POLK: variants seen among roughly 807,000 people sequenced by gnomAD.
The protein encoded by POLK is polymerase (DNA directed) kappa.
POLK carries 76 observed loss-of-function variants against 94.0 expected under a neutral mutation model. That is an observed-to-expected ratio of 0.81 (90% CI 0.67 to 0.98). POLK has a LOEUF of 0.98. POLK is among the 50% of genes least tolerant of loss of function. The probability of loss-of-function intolerance (pLI) is 0.00; values close to 1 mark genes in which losing one functional copy is unlikely to be tolerated. For synonymous variants in POLK, 349 were observed against 325.4 expected (o/e 1.07, Z -0.78); for missense variants, 954 against 1,010.1 (o/e 0.94, Z 0.75).
chr5:75,532,057 G>A (rs1769208255), intron 1 of POLK, among the ~76,000 whole-genome samples: 1 of 152,148 alleles, frequency 6.6e-6, no homozygotes, highest in Non-Finnish European at 1.5e-5. Flanking sequence ...TAAGATGGAA[G>A]TCCCATTCCA....
intron 1 of POLK, among the ~76,000 whole-genome samples, chr5:75,520,438 A>T (rs1446961451): frequency 1.3e-5 from 2 of 152,102 alleles, no homozygotes; most frequent in African/African-American, 4.8e-5. Flanking sequence ...CTTGTCACCG[A>T]GGTTGGAGTG....
At chr5:75,516,855 T>C (rs1394813496) in intron 1 of POLK, among the ~76,000 whole-genome samples, 1 of 152,254 alleles carries the variant, frequency 6.6e-6, no homozygotes, top group Non-Finnish European at 1.5e-5. Context: ...CTTATTCTTC[T>C]GCATGTGGTT....
intron 1 of POLK, among the ~76,000 whole-genome samples, chr5:75,544,237 G>A (rs944436151): frequency 6.6e-6 from 1 of 152,170 alleles, no homozygotes; most frequent in African/African-American, 2.4e-5. Flanking sequence ...TAAAGGGCAA[G>A]GCAGCCAGGA....
chr5:75,577,826 T>C (rs1771977205), intron 6 of POLK, among the ~76,000 whole-genome samples: 1 of 152,226 alleles, frequency 6.6e-6, no homozygotes, highest in Non-Finnish European at 1.5e-5. Context: ...AAATACAACT[T>C]CATTACCTTA....
At chr5:75,594,826 G>A (rs981840134) in intron 12 of POLK, among the ~76,000 whole-genome samples, 2 of 152,330 alleles carry the variant, frequency 1.3e-5, no homozygotes, top group East Asian at 1.9e-4. Flanking sequence ...TTTCCAAAGT[G>A]TACTGGTTGA....
rs145568411 is a variant in POLK at position 75,560,273 on chromosome 5, C to T, written c.255+7682C>T. ...TTAGCATATTATATGACACATATAC[C>T]CAATAAATGTAACTTCTACTTTATA... On this transcript the variant is annotated intron_variant, in intron 3 of 14. Coordinates refer to ENST00000241436, the Ensembl canonical transcript of POLK. Among the ~76,000 whole-genome samples the T allele has an allele frequency of 2.1e-3, 315 of 152,124 alleles. 1 individual carries two copies. The East Asian group carries it at 0.027, about 13-fold the overall frequency.
chr5:75,550,661 C>T (rs570767732), intron 2 of POLK, among the ~76,000 whole-genome samples: 15 of 152,130 alleles, frequency 9.9e-5, no homozygotes, highest in Non-Finnish European at 1.6e-4. Flanking sequence ...AAAAACCACA[C>T]GATCATCTTA....
chr5:75,561,817 A>G (rs1267746005), intron 3 of POLK, among the ~76,000 whole-genome samples: 8 of 152,226 alleles, frequency 5.3e-5, no homozygotes, highest in Middle Eastern at 6.8e-3. Flanking sequence ...AGATGGTTGT[A>G]GATATGTGGT....
chr5:75,536,510 G>A lies in POLK; in HGVS notation c.-13-10500G>A, dbSNP rs79745262. 2.1e-3 allele frequency among the ~76,000 whole-genome samples: 316 copies of A among 152,262 alleles called. 1 individual carries two copies. In the East Asian group the frequency reaches 0.027, roughly 13 times the overall value. On this transcript the variant is annotated intron_variant, in intron 1 of 14. Transcript: ENST00000241436. ...CCATCTGGGTGTTTCCATGGCAACA[G>A]GAGGCTGTACCCCCGGCAAATTCAG...
intron 12 of POLK, among the ~76,000 whole-genome samples, chr5:75,595,603 AAC>A (rs1378767461): frequency 6.6e-6 from 1 of 152,188 alleles, no homozygotes; most frequent in East Asian, 1.9e-4. Context: ...AAATAGGCAA[AAC>A]ACAGGAATTT....
At chr5:75,530,245 CTTTTTTTT>C (rs575507126) in intron 1 of POLK, among the ~76,000 whole-genome samples, 1 of 95,942 alleles carries the variant, frequency 1.0e-5, no homozygotes, top group Non-Finnish European at 2.1e-5. Flanking sequence ...ATTTGTATTT[CTTTTTTTT>C]TTTTTTTTTT....
Position 75,583,352 on chromosome 5 carries a change from C to T in POLK, c.994C>T (p.Gln332Ter), listed in dbSNP as rs866033896. 1 of 1,602,930 alleles carries T rather than the reference C, an allele frequency of 6.2e-7. No individual in the cohort carries two copies. Among genetic ancestry groups the T allele is most frequent in the Non-Finnish European group, 8.5e-7 (1 of 1,170,558 alleles). Residue 332 changes from glutamine (Q) to a stop codon, truncating the protein, a stop_gained, in exon 8 of 15, where the codon CAA becomes TAA. Transcript: ENST00000241436. LOFTEE classifies it high-confidence loss of function. ...CAGTGATAAGAATAAACCAAATGGA[C>T]AATACCAAATTCTTCCCAATAGACA...
At chr5:75,572,511 T>C (rs1434079023) in intron 4 of POLK, among the ~76,000 whole-genome samples, 4 of 152,172 alleles carry the variant, frequency 2.6e-5, no homozygotes, top group Non-Finnish European at 5.9e-5. Flanking sequence ...TATACTATTA[T>C]TTTATGACTA....
chr5:75,582,130 G>A, intron 7 of POLK: 4 of 987,330 alleles, frequency 4.1e-6, no homozygotes, highest in Non-Finnish European at 4.8e-6. Context: ...CAAGGTAAGA[G>A]ACAAAAGAAA....
chr5:75,528,050 C>T (rs917524032), intron 1 of POLK, among the ~76,000 whole-genome samples: 4 of 151,976 alleles, frequency 2.6e-5, no homozygotes, highest in Admixed American at 6.6e-5. Context: ...CCCAAGTGGC[C>T]GAACTAAATT....
exon 15 of POLK, chr5:75,600,595 T>G (rs1030812652): frequency 6.6e-6 from 1 of 152,160 alleles, no homozygotes; most frequent in East Asian, 1.9e-4. Flanking sequence ...AAGAAAAAAA[T>G]TTTTTAATGT....
chr5:75,555,739 G>A (rs1770589384), intron 3 of POLK, among the ~76,000 whole-genome samples: 1 of 151,994 alleles, frequency 6.6e-6, no homozygotes, highest in African/African-American at 2.4e-5. Context: ...AGTAGAGACG[G>A]GGTTTCACCA....
intron 3 of POLK, among the ~76,000 whole-genome samples, chr5:75,561,638 A>T (rs1172118146): frequency 6.6e-6 from 1 of 152,184 alleles, no homozygotes; most frequent in Non-Finnish European, 1.5e-5. Context: ...TTATGGTTTT[A>T]GGTCTTATAT....
In POLK at chr5:75,570,238, C is replaced by T. The variant is rs187692366; in HGVS notation, c.408+746C>T. ...GAAAACTCAGAGAGATGTTTAATAA[C>T]TTGCCCAAAGTTACAAACCTAATAA... is the stretch of plus-strand genomic sequence containing the variant. On this transcript the variant is annotated intron_variant, in intron 4 of 14. Transcript: ENST00000241436. Among the ~76,000 whole-genome samples the T allele has an allele frequency of 2.5e-3, 377 of 152,250 alleles. 4 individuals are homozygous for T. The highest frequency in any genetic ancestry group is 8.3e-3 in the African/African-American group (345 of 41,558).
Sources: gnomAD v4.1 joint callset for allele counts (sites outside exome capture counted in the v4.1 genomes callset) on GRCh38, gnomAD v4.1.1 for gene constraint, MANE v1.5 for transcripts, NCBI Gene and HGNC (gene_info 2026-07-23, HGNC 2026-07-21) for gene names.